The following PPP1R12A variants were observed in gnomAD, a reference collection of about 807,000 sequenced individuals.
PPP1R12A encodes the protein myosin binding subunit.
A neutral mutation model predicts 139.6 loss-of-function variants in PPP1R12A; 19 were observed. The observed-to-expected ratio is 0.14, with a 90% confidence interval of 0.09 to 0.20. The LOEUF is 0.20. Ranked by LOEUF, PPP1R12A falls within the 10% of genes least tolerant of loss-of-function variation. PPP1R12A has a pLI of 1.00. For missense variants in PPP1R12A, 925 were observed against 1,211.5 expected (o/e 0.76, Z 3.51); for synonymous variants, 427 against 420.6 (o/e 1.02, Z -0.19).
intron 6 of PPP1R12A, among the ~76,000 whole-genome samples, chr12:79,821,447 T>C (rs139115113): frequency 6.6e-6 from 1 of 152,260 alleles, no homozygotes; most frequent in African/African-American, 2.4e-5. Flanking sequence ...TGGCTGAGGA[T>C]ATTTTACTTA....
intron 3 of PPP1R12A, among the ~76,000 whole-genome samples, chr12:79,833,125 GC>G (rs1165045119): frequency 3.9e-5 from 6 of 152,038 alleles, no homozygotes; most frequent in African/African-American, 1.5e-4. Context: ...GTGGAAAGAG[GC>G]CAGGCGAGGT....
chr12:79,862,085 G>C (rs1565783907), intron 2 of PPP1R12A, among the ~76,000 whole-genome samples: 1 of 152,072 alleles, frequency 6.6e-6, no homozygotes, highest in Non-Finnish European at 1.5e-5. Context: ...CCTCATACAG[G>C]GGGGTGCCCT....
chr12:79,797,601 T>C (rs903618059), intron 15 of PPP1R12A, among the ~76,000 whole-genome samples: 2 of 152,148 alleles, frequency 1.3e-5, no homozygotes, highest in Non-Finnish European at 2.9e-5. Flanking sequence ...GGATACTCTA[T>C]GCATATAAAT....
chr12:79,891,947 T>C (rs568892472), intron 1 of PPP1R12A, among the ~76,000 whole-genome samples: 1 of 152,286 alleles, frequency 6.6e-6, no homozygotes, highest in East Asian at 1.9e-4. Flanking sequence ...GAAAATATCA[T>C]GAGAAACCTT....
rs1295575638 is a variant in PPP1R12A at position 79,857,333 on chromosome 12, C to CA, written c.369-11914dup. Reference sequence around the variant, plus strand: ...CATTCTCAGTAAACTATCGCAAGGACAAAAAACCAAACACCACATGTTCTC... The same window carrying CA: ...CATTCTCAGTAAACTATCGCAAGGACAAAAAAACCAAACACCACATGTTCTC... On this transcript the variant is annotated intron_variant, in intron 2 of 24. Transcript: ENST00000450142. 2.1e-5 allele frequency among the ~76,000 whole-genome samples: 3 copies of CA among 141,970 alleles called. No individual in the cohort carries two copies. The East Asian group carries it at 6.4e-4, about 30-fold the overall frequency. 93.1% of individuals were successfully genotyped at this position (141,970 alleles called of 152,430 possible).
At chr12:79,872,434 T>G (rs1321956049) in intron 2 of PPP1R12A, among the ~76,000 whole-genome samples, 1 of 152,110 alleles carries the variant, frequency 6.6e-6, no homozygotes, top group Non-Finnish European at 1.5e-5. Flanking sequence ...TGTATCATAT[T>G]CTCCCTATAG....
At chr12:79,808,118 A>T (rs915653775) in intron 11 of PPP1R12A, among the ~76,000 whole-genome samples, 1 of 152,020 alleles carries the variant, frequency 6.6e-6, no homozygotes, top group Non-Finnish European at 1.5e-5. Flanking sequence ...AAACTAAAAT[A>T]TTTAAACAAT....
At chr12:79,894,816 C>T (rs140864328) in intron 1 of PPP1R12A, among the ~76,000 whole-genome samples, 39 of 152,270 alleles carry the variant, frequency 2.6e-4, no homozygotes, top group African/African-American at 8.9e-4. Context: ...CAATAGCTTA[C>T]GCAGCTAAAA....
rs537539286 is a variant in PPP1R12A, at chr12:79,905,609, A to G, written c.237+29086T>C. ...AGGCTACTTATATATATAGCCTTAA[A>G]TTTGAGTCATTTATTTGGTATCATA... On this transcript the variant is annotated intron_variant, in intron 1 of 24. Transcript: ENST00000450142. 2.0e-5 allele frequency among the ~76,000 whole-genome samples: 3 copies of G among 152,282 alleles called. No individual in the cohort carries two copies. The South Asian group carries it at 6.2e-4, about 32-fold the overall frequency.
chr12:79,934,495 T>A (rs537241354), intron 1 of PPP1R12A, among the ~76,000 whole-genome samples, 200 bp downstream of exon 1: 33 of 152,316 alleles, frequency 2.2e-4, no homozygotes, highest in African/African-American at 6.7e-4. Flanking sequence ...CAGCAACTGT[T>A]CTGAAGGGGG....
In PPP1R12A at chr12:79,817,533, CAATT is replaced by C. The variant is rs766973116; in HGVS notation, c.1115-19_1115-16del. On this transcript the variant is annotated splice_polypyrimidine_tract_variant and intron_variant, in intron 8 of 24. Transcript: ENST00000450142. ...TTTTGTCTTATCTATTAAAGACAAACAATTAAGAGTCAAGATTCCATATATATTT... is the reference window on the plus strand; with the variant it reads ...TTTTGTCTTATCTATTAAAGACAAACAAGAGTCAAGATTCCATATATATTT... 7 of 1,560,420 alleles carry C rather than the reference CAATT, an allele frequency of 4.5e-6. No homozygotes were observed. In the East Asian group the frequency reaches 1.6e-4, roughly 36 times the overall value.
intron 14 of PPP1R12A, among the ~76,000 whole-genome samples, chr12:79,800,604 C>T (rs1441417831): frequency 6.6e-6 from 1 of 151,684 alleles, no homozygotes; most frequent in Non-Finnish European, 1.5e-5. Flanking sequence ...CACCCCTAAC[C>T]CTTGCATTGT....
intron 1 of PPP1R12A, among the ~76,000 whole-genome samples, chr12:79,899,613 T>C (rs1410389708): frequency 6.6e-6 from 1 of 152,172 alleles, no homozygotes. Context: ...ATCTATACCA[T>C]AGATCATCCA....
intron 2 of PPP1R12A, among the ~76,000 whole-genome samples, chr12:79,862,674 C>G (rs189039316): frequency 3.3e-5 from 5 of 152,088 alleles, no homozygotes; most frequent in African/African-American, 1.2e-4. Context: ...GAAGCATACA[C>G]AAGCTTCAAT....
chr12:79,935,136 C>A, upstream of PPP1R12A: 1 of 1,355,708 alleles, frequency 7.4e-7, no homozygotes, highest in Non-Finnish European at 9.5e-7. Flanking sequence ...CCCTTCCTAC[C>A]ACAGAAGCCC....
At position 79,822,061 on chromosome 12, in the gene PPP1R12A, A is replaced by T. The variant is rs368017685; in HGVS notation, c.867+55T>A. ...ACAAGAATACTTTTGTAATTGTCTC[A>T]AATTCAAAATTATTAAGGTAAGTAA... On this transcript the variant is annotated intron_variant, in intron 6 of 24. Transcript: ENST00000450142. 725 of 1,257,236 alleles carry T rather than the reference A, an allele frequency of 5.8e-4. 8 individuals carry two copies. The South Asian group carries it at 9.1e-3, about 16-fold the overall frequency. 77.9% of individuals were successfully genotyped at this position (1,257,236 alleles called of 1,614,324 possible). A position where few individuals can be genotyped will look rare whatever the true frequency, so the allele number is the denominator to read the frequency against.
intron 3 of PPP1R12A, among the ~76,000 whole-genome samples, chr12:79,836,521 A>G (rs922627400): frequency 6.6e-6 from 1 of 152,136 alleles, no homozygotes; most frequent in Middle Eastern, 3.2e-3. Flanking sequence ...TACCCTCTTT[A>G]GCTTCCAAAT....
At chr12:79,843,796 C>T (rs1335430437) in intron 3 of PPP1R12A, among the ~76,000 whole-genome samples, 6 of 151,356 alleles carry the variant, frequency 4.0e-5, no homozygotes, top group Non-Finnish European at 8.8e-5. Flanking sequence ...CTCCGCCTCC[C>T]GGGTTCAAGC....
chr12:79,813,553 C>T (rs1413323413), intron 9 of PPP1R12A, among the ~76,000 whole-genome samples: 1 of 151,994 alleles, frequency 6.6e-6, no homozygotes, highest in African/African-American at 2.4e-5. Flanking sequence ...AAAGAAAATG[C>T]CATTTACATT....
Sources: allele counts gnomAD v4.1 joint callset (sites outside exome capture counted in the v4.1 genomes callset), GRCh38; gene constraint gnomAD v4.1.1; transcripts MANE v1.5; gene names NCBI Gene and HGNC (gene_info 2026-07-23, HGNC 2026-07-21).